PLEKHG1: variants seen among roughly 807,000 people sequenced by gnomAD.
PLEKHG1 encodes pleckstrin homology and RhoGEF domain containing G1, also known as pleckstrin homology domain-containing family G member 1.
In PLEKHG1, 44 loss-of-function variants were observed where a neutral mutation model predicts 100.8. The observed-to-expected ratio is 0.44, with a 90% CI of 0.34 to 0.56. The LOEUF (loss-of-function observed/expected upper bound fraction) is 0.56, where lower values mean the gene tolerates loss of function less well. Ranked by LOEUF, PLEKHG1 falls within the 20% of genes least tolerant of loss-of-function variation. The probability of loss-of-function intolerance (pLI) is 0.01; values close to 1 mark genes in which losing one functional copy is unlikely to be tolerated. For synonymous variants in PLEKHG1, 640 were observed against 662.5 expected, an observed-to-expected ratio of 0.97 and a Z score of 0.52; for missense variants, 1,545 against 1,720.9, an observed-to-expected ratio of 0.90 and a Z score of 1.81.
chr6:150,830,767 T>C, exon 15 of PLEKHG1: 3 of 1,614,068 alleles, frequency 1.9e-6, no homozygotes, highest in Non-Finnish European at 2.5e-6. Flanking sequence ...CGCAGGAGAA[T>C]GAGGATGATG....
rs567833617 is a variant in PLEKHG1 at position 150,733,753 on chromosome 6, C to T, written c.72C>T (p.Ser24=). ...CATCCTCGGCCTCTTCCCGCGACAG[C>T]CATGGTTCCTTCGGCAGCAGAATGA... is the stretch of plus-strand genomic sequence containing the variant. Residue 24 remains serine (S), a synonymous_variant, in exon 2 of 16, where the codon AGC becomes AGT. Transcript: ENST00000358517. 3.1e-6 allele frequency: 5 copies of T among 1,614,162 alleles called. No individual in the cohort carries two copies. The East Asian group carries it at 1.1e-4, about 36-fold the overall frequency.
At chr6:150,777,796 G>A (rs1035056810) in intron 3 of PLEKHG1, among the ~76,000 whole-genome samples, 2 of 152,058 alleles carry the variant, frequency 1.3e-5, no homozygotes, top group South Asian at 2.1e-4. Context: ...ATGTGCGGTT[G>A]CACATCAGCC....
chr6:150,677,262 C>G (rs1779787779), intron 3 of PLEKHG1, among the ~76,000 whole-genome samples: 2 of 150,164 alleles, frequency 1.3e-5, no homozygotes, highest in African/African-American at 4.9e-5. Context: ...CCTCTACAGT[C>G]TTGTCTCTTG....
intron 3 of PLEKHG1, among the ~76,000 whole-genome samples, chr6:150,664,698 TG>T (rs544462030): frequency 1.3e-5 from 2 of 152,082 alleles, no homozygotes; most frequent in Non-Finnish European, 2.9e-5. Flanking sequence ...TGAATCTCCT[TG>T]ACTGGAAGGT....
chr6:150,642,311 C>G (rs1778304131), intron 2 of PLEKHG1, among the ~76,000 whole-genome samples: 1 of 152,160 alleles, frequency 6.6e-6, no homozygotes, highest in African/African-American at 2.4e-5. Flanking sequence ...CTCTTGAACT[C>G]TATAAAAGGT....
At chr6:150,602,556 T>G (rs1017525208) in intron 1 of PLEKHG1, among the ~76,000 whole-genome samples, 12 of 152,228 alleles carry the variant, frequency 7.9e-5, no homozygotes, top group Admixed American at 7.9e-4. Flanking sequence ...TTTCTCACCT[T>G]TCCTCATTTT....
intron 1 of PLEKHG1, among the ~76,000 whole-genome samples, chr6:150,625,283 G>T (rs1777464256): frequency 6.6e-6 from 1 of 152,158 alleles, no homozygotes; most frequent in African/African-American, 2.4e-5. Context: ...TCTGGAGGCT[G>T]GAATTCCAAG....
At chr6:150,707,819 G>T (rs1324410309) in intron 3 of PLEKHG1, among the ~76,000 whole-genome samples, 1 of 152,126 alleles carries the variant, frequency 6.6e-6, no homozygotes, top group Non-Finnish European at 1.5e-5. Context: ...GTGGGTACAG[G>T]TAAAGTCACT....
At chr6:150,786,552 C>G in intron 4 of PLEKHG1, 93 bp downstream of exon 5, 2 of 803,778 alleles carry the variant, frequency 2.5e-6, no homozygotes, top group Admixed American at 2.3e-5. Context: ...TGTTTCATAT[C>G]AGATAGAGTT....
intron 14 of PLEKHG1, 45 bp downstream of exon 15, chr6:150,823,721 AC>A (rs751087418): frequency 1.0e-5 from 15 of 1,480,096 alleles, no homozygotes; most frequent in African/African-American, 1.4e-5. Context: ...CACTTCAGGC[AC>A]CTTTCATAGG....
At chr6:150,659,167 C>T (rs1290272101) in intron 3 of PLEKHG1, among the ~76,000 whole-genome samples, 4 of 152,134 alleles carry the variant, frequency 2.6e-5, no homozygotes, top group Non-Finnish European at 1.5e-5. Flanking sequence ...TCTCTGAACT[C>T]GTGAACCTCC....
At chr6:150,827,941 A>G (rs803413) in intron 14 of PLEKHG1, 350,096 of 1,606,754 alleles carry the variant, frequency 0.22, 38,602 homozygotes, top group Middle Eastern at 0.26. Flanking sequence ...AAATCTGGAA[A>G]AGTTTTGGAG....
intron 1 of PLEKHG1, among the ~76,000 whole-genome samples, chr6:150,613,262 T>G (rs1776925649): frequency 6.6e-6 from 1 of 152,244 alleles, no homozygotes; most frequent in African/African-American, 2.4e-5. Context: ...AAAGAAGTCC[T>G]ACTGACCATA....
upstream of PLEKHG1, among the ~76,000 whole-genome samples, chr6:150,720,390 C>T (rs1373146813): frequency 6.6e-6 from 1 of 152,140 alleles, no homozygotes; most frequent in Non-Finnish European, 1.5e-5. Flanking sequence ...GTCTTTACTA[C>T]TTAGTATTTA....
intron 3 of PLEKHG1, among the ~76,000 whole-genome samples, chr6:150,672,133 C>CA (rs973221509): frequency 4.0e-5 from 6 of 151,734 alleles, no homozygotes; most frequent in Non-Finnish European, 7.4e-5. Context: ...CTCCAGGACA[C>CA]AAAAAAATAT....
intron 10 of PLEKHG1, among the ~76,000 whole-genome samples, chr6:150,817,025 C>G (rs114689194): frequency 0.011 from 1,689 of 152,294 alleles, 33 homozygotes; most frequent in African/African-American, 0.038. Flanking sequence ...TAAATCCAGA[C>G]GAAGCTTCTC....
rs1306878285 is a variant in PLEKHG1 at position 150,642,160 on chromosome 6, T to C, written c.-158+4035T>C. On this transcript the variant is annotated intron_variant, in intron 2 of 3. Coordinates refer to the PLEKHG1 transcript ENST00000367326. ...CCCCTTATTAAATCTATTTGACTTA[T>C]GAGATAGTACAACTTTGGAAACCAC... 3.3e-5 allele frequency among the ~76,000 whole-genome samples: 5 copies of C among 152,236 alleles called. No individual in the cohort carries two copies. In the East Asian group the frequency reaches 9.6e-4, roughly 29 times the overall value.
intron 10 of PLEKHG1, among the ~76,000 whole-genome samples, chr6:150,814,440 T>C (rs17080350): frequency 0.1 from 15,437 of 152,294 alleles, 908 homozygotes; most frequent in East Asian, 0.18. Flanking sequence ...TTGTCGATCC[T>C]TTCTATCTAA....
intron 2 of PLEKHG1, among the ~76,000 whole-genome samples, chr6:150,751,415 T>G (rs1476150401): frequency 6.6e-6 from 1 of 152,186 alleles, no homozygotes; most frequent in Non-Finnish European, 1.5e-5. Flanking sequence ...GACCTCAGCT[T>G]CATCCTCTGT....
Sources: gnomAD v4.1 joint callset for allele counts (sites outside exome capture counted in the v4.1 genomes callset) on GRCh38, gnomAD v4.1.1 for gene constraint, MANE v1.5 for transcripts, NCBI Gene and HGNC (gene_info 2026-07-23, HGNC 2026-07-21) for gene names.